OSBPL10: variants seen among roughly 807,000 people sequenced by gnomAD.
OSBPL10 encodes the protein oxysterol binding protein like 10, also known as oxysterol-binding protein-related protein 10.
OSBPL10 carries 49 observed loss-of-function variants against 81.7 expected under a neutral mutation model. The ratio of observed to expected loss-of-function variants is 0.60; its 90% CI spans 0.48 to 0.76. OSBPL10 has a LOEUF of 0.76. Among genes scored for constraint, OSBPL10 ranks in the 30% least tolerant of loss-of-function variants. The pLI, the probability that OSBPL10 is intolerant of heterozygous loss-of-function variation, is 0.00. For missense variants in OSBPL10, 923 were observed against 987.8 expected (o/e 0.93, Z 0.88); for synonymous variants, 419 against 383.6 (o/e 1.09, Z -1.08).
At chr3:31,827,937 A>G (rs1366553980) in intron 4 of OSBPL10, among the ~76,000 whole-genome samples, 1 of 152,230 alleles carries the variant, frequency 6.6e-6, no homozygotes, top group African/African-American at 2.4e-5. Context: ...ATCAAACGCT[A>G]CTAATTAATC....
chr3:32,047,686 G>A (rs932781374), intron 1 of OSBPL10, among the ~76,000 whole-genome samples: 3 of 149,834 alleles, frequency 2.0e-5, no homozygotes, highest in Non-Finnish European at 4.4e-5. Flanking sequence ...TTTTTGAGAC[G>A]GAGTCTTGCT....
intron 11 of OSBPL10, chr3:31,662,991 G>C: frequency 1.0e-6 from 1 of 985,396 alleles, no homozygotes; most frequent in Non-Finnish European, 1.2e-6. Context: ...ATCCAACCTT[G>C]AAATCTCCTT....
intron 1 of OSBPL10, among the ~76,000 whole-genome samples, chr3:31,953,044 G>A (rs192418161): frequency 1.0e-3 from 150 of 147,918 alleles, no homozygotes; most frequent in East Asian, 9.4e-3. Context: ...GCAATGCTCC[G>A]CCTCAGCCTC....
chr3:32,027,270 A>G (rs1699424522), intron 2 of OSBPL10, among the ~76,000 whole-genome samples: 2 of 152,156 alleles, frequency 1.3e-5, no homozygotes, highest in Non-Finnish European at 2.9e-5. Flanking sequence ...ATGAGTGAGA[A>G]CATGCGATGT....
At chr3:31,930,609 C>T (rs1697211906) in intron 1 of OSBPL10, among the ~76,000 whole-genome samples, 1 of 152,150 alleles carries the variant, frequency 6.6e-6, no homozygotes, top group Non-Finnish European at 1.5e-5. Context: ...TAAATCCATA[C>T]AAGGTACACT....
chr3:31,857,880 G>C (rs553386291), intron 3 of OSBPL10, among the ~76,000 whole-genome samples: 68 of 135,700 alleles, frequency 5.0e-4, no homozygotes, highest in African/African-American at 1.5e-3. Flanking sequence ...GAGGGAAAGG[G>C]GGGGAGAGAG....
chr3:31,862,527 C>T (rs1360584904), intron 3 of OSBPL10, among the ~76,000 whole-genome samples: 3 of 151,906 alleles, frequency 2.0e-5, no homozygotes, highest in Admixed American at 6.6e-5. Context: ...GGAGCTAATA[C>T]TTGCAAATTA....
At chr3:32,050,354 T>A (rs9882286) in intron 1 of OSBPL10, among the ~76,000 whole-genome samples, 6,179 of 152,292 alleles carry the variant, frequency 0.041, 354 homozygotes, top group African/African-American at 0.12. Context: ...TTTCTGGCTT[T>A]GGGAATGAGT....
intron 1 of OSBPL10, among the ~76,000 whole-genome samples, chr3:31,950,823 C>T (rs1251986967): frequency 3.9e-5 from 6 of 152,322 alleles, no homozygotes; most frequent in African/African-American, 1.4e-4. Context: ...CCTCCTCTCT[C>T]TCTTGCTCCC....
intron 6 of OSBPL10, chr3:31,717,188 C>T (rs1238374293): frequency 1.3e-5 from 2 of 152,164 alleles, no homozygotes; most frequent in African/African-American, 4.8e-5. Context: ...TGAGGACTTT[C>T]CATGTGCCAG....
At chr3:31,824,069 A>G (rs1402671753) in intron 4 of OSBPL10, among the ~76,000 whole-genome samples, 2 of 152,154 alleles carry the variant, frequency 1.3e-5, no homozygotes, top group African/African-American at 4.8e-5. Flanking sequence ...ATGATTGCCC[A>G]GGCTTGTCTT....
At chr3:32,055,409 G>C (rs9861098) in intron 1 of OSBPL10, among the ~76,000 whole-genome samples, 108,519 of 151,486 alleles carry the variant, frequency 0.72, 40,619 homozygotes, top group East Asian at 0.91. Context: ...TCACCATGTT[G>C]GCCAGGCTGG....
At position 31,909,819 on chromosome 3, in the gene OSBPL10, T is replaced by G. The variant is rs1026044300; in HGVS notation, c.282-29989A>C. Among the ~76,000 whole-genome samples, 6 of 152,084 alleles carry G rather than the reference T, an allele frequency of 3.9e-5. No homozygotes were observed. In the South Asian group the frequency reaches 1.2e-3, roughly 32 times the overall value. On this transcript the variant is annotated intron_variant, in intron 1 of 11. Transcript: ENST00000396556. ...CTACTAGAATGGCCCCCACTCTGAG[T>G]AGCAGCTTTGAAACAAACCCCCTAA...
At chr3:31,875,424 A>G (rs1424589340) in intron 3 of OSBPL10, among the ~76,000 whole-genome samples, 1 of 152,158 alleles carries the variant, frequency 6.6e-6, no homozygotes, top group Non-Finnish European at 1.5e-5. Flanking sequence ...AAGAAGGCCA[A>G]TTGGGGGAAA....
rs1336197548 is a variant in OSBPL10 at position 32,060,830 on chromosome 3, C to A, written n.186-14227G>T. ...CTACTCAAAATACAAAATTAGCCAG[C>A]CGTGGTGGCAATCTCAGCTGTAATC... On this transcript the variant is annotated intron_variant and non_coding_transcript_variant, in intron 1 of 3. Transcript: ENST00000479173. Among the ~76,000 whole-genome samples, 18 of 88,326 alleles carry A rather than the reference C, an allele frequency of 2.0e-4. 8 individuals carry two copies. Among genetic ancestry groups the A allele is most frequent in the Non-Finnish European group, 3.0e-5 (1 of 33,038 alleles). 57.9% of individuals were successfully genotyped at this position (88,326 alleles called of 152,430 possible).
At chr3:31,965,215 A>G (rs1306617536) in intron 1 of OSBPL10, among the ~76,000 whole-genome samples, 1 of 150,526 alleles carries the variant, frequency 6.6e-6, no homozygotes, top group Non-Finnish European at 1.5e-5. Flanking sequence ...TAAAAATACA[A>G]AAAAATTAGC....
At chr3:31,926,095 T>C (rs1276119817) in intron 1 of OSBPL10, among the ~76,000 whole-genome samples, 2 of 152,234 alleles carry the variant, frequency 1.3e-5, no homozygotes, top group Non-Finnish European at 2.9e-5. Flanking sequence ...TATTTCTAGT[T>C]CTAGTACACA....
rs1175364367 is a variant in OSBPL10 at position 31,797,010 on chromosome 3, TTTTG to T, written c.729+33026_729+33029del. 5.2e-3 allele frequency among the ~76,000 whole-genome samples: 764 copies of T among 145,908 alleles called. 7 individuals are homozygous for T. The highest frequency in any genetic ancestry group is 0.018 in the African/African-American group (677 of 37,628). On this transcript the variant is annotated intron_variant, in intron 4 of 11. Coordinates refer to ENST00000396556, the MANE Select transcript of OSBPL10 (RefSeq NM_017784.5). ...TTTTATTAATTTTTTTTTTTTTTTT[TTTTG>T]AGACAGAGGCTTGCTCTGTTGCCAG...
intron 1 of OSBPL10, among the ~76,000 whole-genome samples, chr3:31,914,513 C>T (rs1187545613): frequency 6.6e-6 from 1 of 152,178 alleles, no homozygotes; most frequent in Non-Finnish European, 1.5e-5. Flanking sequence ...TCTCATGTGA[C>T]TAGCATTCCA....
Sources: gnomAD v4.1 joint callset for allele counts (sites outside exome capture counted in the v4.1 genomes callset) on GRCh38, gnomAD v4.1.1 for gene constraint, MANE v1.5 for transcripts, NCBI Gene and HGNC (gene_info 2026-07-23, HGNC 2026-07-21) for gene names.